NOL4L: variants seen among roughly 807,000 people sequenced by gnomAD.
NOL4L encodes nucleolar protein 4 like.
NOL4L carries 7 observed loss-of-function variants against 64.5 expected under a neutral mutation model. The observed-to-expected ratio is 0.11, with a 90% CI of 0.06 to 0.20. The LOEUF is 0.20. NOL4L is among the 10% of genes least tolerant of loss of function. The probability of loss-of-function intolerance (pLI) is 1.00; values close to 1 mark genes in which losing one functional copy is unlikely to be tolerated. For synonymous variants in NOL4L, 413 were observed against 401.0 expected (o/e 1.03, Z -0.36); for missense variants, 680 against 967.1 (o/e 0.70, Z 3.94).
At chr20:32,528,530 G>C (rs979566475) in intron 1 of NOL4L, among the ~76,000 whole-genome samples, 2 of 152,286 alleles carry the variant, frequency 1.3e-5, no homozygotes, top group Non-Finnish European at 2.9e-5. Flanking sequence ...GCAGGGCCGT[G>C]TGAACGGGGC....
chr20:32,461,124 G>C (rs886202345), intron 5 of NOL4L, among the ~76,000 whole-genome samples: 2 of 152,224 alleles, frequency 1.3e-5, no homozygotes, highest in Non-Finnish European at 2.9e-5. Flanking sequence ...CTGTCCCTCG[G>C]CCCCACAAGC....
intron 1 of NOL4L, among the ~76,000 whole-genome samples, chr20:32,553,086 C>G (rs1284943541): frequency 6.6e-6 from 1 of 152,092 alleles, no homozygotes; most frequent in African/African-American, 2.4e-5. Context: ...TCACACAGGC[C>G]CTGCCAGAAG....
intron 6 of NOL4L, among the ~76,000 whole-genome samples, chr20:32,455,263 C>T (rs2013376146): frequency 6.6e-6 from 1 of 152,234 alleles, no homozygotes; most frequent in African/African-American, 2.4e-5. Flanking sequence ...GGAACAGCAG[C>T]TATGCCTGTC....
intron 1 of NOL4L, among the ~76,000 whole-genome samples, chr20:32,553,072 T>C (rs1247041762): frequency 6.6e-6 from 1 of 152,072 alleles, no homozygotes; most frequent in Non-Finnish European, 1.5e-5. Context: ...CGTCCTCAGA[T>C]TCCTCACACA....
At chr20:32,576,488 G>C (rs1980113922) in intron 1 of NOL4L, among the ~76,000 whole-genome samples, 1 of 152,192 alleles carries the variant, frequency 6.6e-6, no homozygotes, top group Non-Finnish European at 1.5e-5. Flanking sequence ...GCGAGGAAGT[G>C]AATAAATGAA....
intron 4 of NOL4L, among the ~76,000 whole-genome samples, chr20:32,491,229 T>C (rs1237861944): frequency 1.3e-5 from 2 of 152,160 alleles, no homozygotes; most frequent in Non-Finnish European, 2.9e-5. Context: ...CAGTTTGTAC[T>C]TGATAGTCCT....
intron 1 of NOL4L, among the ~76,000 whole-genome samples, chr20:32,553,452 C>T (rs1978437533): frequency 6.6e-6 from 1 of 152,256 alleles, no homozygotes; most frequent in South Asian, 2.1e-4. Context: ...CAGATCCCCA[C>T]ATGGATGTTC....
intron 1 of NOL4L, among the ~76,000 whole-genome samples, chr20:32,554,279 C>A (rs973502239): frequency 1.3e-5 from 2 of 148,180 alleles, no homozygotes; most frequent in Non-Finnish European, 3.0e-5. Context: ...CGAGATCGCG[C>A]CACTGCACTC....
intron 4 of NOL4L, among the ~76,000 whole-genome samples, chr20:32,484,045 G>T (rs542088863): frequency 4.6e-4 from 70 of 151,838 alleles, no homozygotes; most frequent in African/African-American, 1.6e-3. Context: ...GGTGGGGGCT[G>T]GGGGGAGAGG....
rs935519636 is a variant in NOL4L, at chr20:32,465,779, G to A, written c.841+8822C>T. On this transcript the variant is annotated intron_variant, in intron 5 of 10. Transcript: ENST00000621426. ...CTTAGGTCGGAGTGATGACGCCAACGCGGCCTGGTCACTTCCTGGTTCCTG... is the reference window on the plus strand; with the variant it reads ...CTTAGGTCGGAGTGATGACGCCAACACGGCCTGGTCACTTCCTGGTTCCTG... Among the ~76,000 whole-genome samples the A allele has an allele frequency of 7.9e-5, 12 of 152,196 alleles. No individual in the cohort carries two copies. In the South Asian group the frequency reaches 1.4e-3, roughly 18 times the overall value.
At chr20:32,448,621 G>A (rs755044436) in intron 10 of NOL4L, among the ~76,000 whole-genome samples, 7 of 152,214 alleles carry the variant, frequency 4.6e-5, no homozygotes, top group Non-Finnish European at 8.8e-5. Context: ...GGTTCATGCT[G>A]CTAGGATACG....
At chr20:32,574,949 C>A (rs1184616623) in intron 1 of NOL4L, among the ~76,000 whole-genome samples, 1 of 152,114 alleles carries the variant, frequency 6.6e-6, no homozygotes, top group Non-Finnish European at 1.5e-5. Context: ...TTGCCTGCGA[C>A]CCTCTAGCCT....
At chr20:32,472,997 C>A (rs2015129394) in intron 5 of NOL4L, among the ~76,000 whole-genome samples, 1 of 152,198 alleles carries the variant, frequency 6.6e-6, no homozygotes, top group Non-Finnish European at 1.5e-5. Flanking sequence ...CTGAGGGAAC[C>A]CCATGGACCC....
intron 4 of NOL4L, among the ~76,000 whole-genome samples, chr20:32,490,200 C>G (rs2016412728): frequency 6.6e-6 from 1 of 150,534 alleles, no homozygotes; most frequent in South Asian, 2.1e-4. Flanking sequence ...ATATGTTTTC[C>G]TACTAGGTAG....
intron 4 of NOL4L, among the ~76,000 whole-genome samples, chr20:32,504,567 A>AAAAAG (rs1555799784): frequency 2.6e-5 from 4 of 151,306 alleles, no homozygotes; most frequent in Non-Finnish European, 4.4e-5. Flanking sequence ...CAAAAAAAAA[A>AAAAAG]AAAGAAAGAA....
intron 3 of NOL4L, among the ~76,000 whole-genome samples, chr20:32,516,442 C>T (rs1385799155): frequency 1.3e-5 from 2 of 152,054 alleles, no homozygotes; most frequent in East Asian, 3.9e-4. Flanking sequence ...GAGCAGGGTG[C>T]GACAGACGTG....
intron 4 of NOL4L, among the ~76,000 whole-genome samples, chr20:32,500,533 T>TTTTTTTTTTTTTTTTTTTTAA: frequency 8.4e-6 from 1 of 119,120 alleles, no homozygotes; most frequent in Admixed American, 9.2e-5. Context: ...TTTTTGTATT[T>TTTTTTTTTTTTTTTTTTTTAA]CTTTCTTTTT....
rs201877600 is a variant in NOL4L at position 32,486,794 on chromosome 20, G to A, written c.700-12052C>T. The A allele has an allele frequency of 3.2e-4, 149 of 471,092 alleles. 2 individuals are homozygous for A. Among genetic ancestry groups the A allele is most frequent in the South Asian group, 2.2e-3 (145 of 64,504 alleles). The allele number at this position is 471,092 out of a possible 1,614,324, so 29.2% of individuals were successfully genotyped here. A position where few individuals can be genotyped will look rare whatever the true frequency, so the allele number is the denominator to read the frequency against. On this transcript the variant is annotated intron_variant, in intron 4 of 10. Transcript: ENST00000621426. ...AGACATGATGTCCTCGGCTCCTGAAGGGAGGCACTGGAAGACACAGCATCA... is the reference window on the plus strand; with the variant it reads ...AGACATGATGTCCTCGGCTCCTGAAAGGAGGCACTGGAAGACACAGCATCA...
intron 5 of NOL4L, among the ~76,000 whole-genome samples, chr20:32,462,920 A>AAAAAAAAAAAAAAAAAAAC (rs1568611890): frequency 6.7e-6 from 1 of 148,702 alleles, no homozygotes; most frequent in Admixed American, 6.6e-5. Context: ...AAAAAAAAAA[A>AAAAAAAAAAAAAAAAAAAC]AAACTGATTT....
Sources: allele counts gnomAD v4.1 joint callset (sites outside exome capture counted in the v4.1 genomes callset), GRCh38; gene constraint gnomAD v4.1.1; transcripts MANE v1.5; gene names NCBI Gene and HGNC (gene_info 2026-07-23, HGNC 2026-07-21).